Variants in FOXP1 observed in about 807,000 individuals in gnomAD.
FOXP1 encodes the protein forkhead box P1.
In FOXP1, 15 loss-of-function variants were observed where a neutral mutation model predicts 98.2. That is an observed-to-expected ratio of 0.15 (90% CI 0.10 to 0.24). FOXP1 has a LOEUF of 0.24. Ranked by LOEUF, FOXP1 falls within the 10% of genes least tolerant of loss-of-function variation. The pLI, the probability that FOXP1 is intolerant of heterozygous loss-of-function variation, is 1.00. For missense variants in FOXP1, 633 were observed against 848.5 expected (o/e 0.75, Z 3.15); for synonymous variants, 371 against 314.5 (o/e 1.18, Z -1.90).
chr3:71,473,957 C>T (rs1487974899), intron 3 of FOXP1, among the ~76,000 whole-genome samples: 1 of 152,084 alleles, frequency 6.6e-6, no homozygotes, highest in Non-Finnish European at 1.5e-5. Flanking sequence ...CATGCCCTGG[C>T]ACAGAGTAGG....
chr3:71,123,974 G>C (rs1350602354), intron 6 of FOXP1, among the ~76,000 whole-genome samples: 1 of 152,042 alleles, frequency 6.6e-6, no homozygotes, highest in Non-Finnish European at 1.5e-5. Context: ...TAACAGATGA[G>C]GGAGAGAGAC....
intron 5 of FOXP1, among the ~76,000 whole-genome samples, chr3:71,200,327 C>G (rs2063590573): frequency 1.3e-5 from 2 of 152,264 alleles, no homozygotes; most frequent in Non-Finnish European, 2.9e-5. Context: ...CACATATTCT[C>G]CAATTTAGTG....
At chr3:71,549,901 CTTT>C (rs908536265) in intron 2 of FOXP1, among the ~76,000 whole-genome samples, 1 of 126,674 alleles carries the variant, frequency 7.9e-6, no homozygotes, top group African/African-American at 2.8e-5. Flanking sequence ...CTCTGGTAAA[CTTT>C]TAATTTTTTT....
chr3:71,272,282 G>T (rs2070439592), intron 5 of FOXP1, among the ~76,000 whole-genome samples: 1 of 152,194 alleles, frequency 6.6e-6, no homozygotes, highest in Admixed American at 6.5e-5. Flanking sequence ...ATTCAGCAAT[G>T]AAAACGAGAA....
At chr3:71,306,787 C>T (rs1259359674) in intron 4 of FOXP1, among the ~76,000 whole-genome samples, 1 of 152,114 alleles carries the variant, frequency 6.6e-6, no homozygotes, top group African/African-American at 2.4e-5. Context: ...AACATTACCC[C>T]CATATTAGAA....
Position 71,112,599 on chromosome 3 carries a change from T to C in FOXP1, c.219A>G (p.Gln73=). Residue 73 remains glutamine (Q), a synonymous_variant, in exon 7 of 21, where the codon CAA becomes CAG. Transcript: ENST00000649528. ...QVARQLLLQQ[Q]QQQQVSGLKS... is the part of the protein sequence containing the mutation. Reference sequence around the variant, plus strand: ...TTAATCCACTAACTTGCTGCTGCTGTTGCTGCTGAAGAAGGAGCTGTCTTG... The same window carrying C: ...TTAATCCACTAACTTGCTGCTGCTGCTGCTGCTGAAGAAGGAGCTGTCTTG... The C allele has an allele frequency of 1.9e-6, 3 of 1,614,116 alleles. No homozygotes were observed. Among genetic ancestry groups the C allele is most frequent in the East Asian group, 4.5e-5 (2 of 44,872 alleles).
intron 3 of FOXP1, among the ~76,000 whole-genome samples, chr3:71,432,808 A>G (rs975930015): frequency 1.3e-5 from 2 of 150,704 alleles, no homozygotes; most frequent in African/African-American, 4.9e-5. Flanking sequence ...CCTTCAAAGC[A>G]GTTCGACACT....
At chr3:71,381,845 G>GTA (rs2080203723) in intron 3 of FOXP1, among the ~76,000 whole-genome samples, 1 of 152,126 alleles carries the variant, frequency 6.6e-6, no homozygotes, top group Admixed American at 6.5e-5. Context: ...TATTTGTTAC[G>GTA]TATTAATTCA....
At position 71,283,658 on chromosome 3, in the gene FOXP1, T is replaced by C. The variant is rs183663828; in HGVS notation, c.-12+16162A>G. Among the ~76,000 whole-genome samples the C allele has an allele frequency of 1.2e-3, 188 of 152,304 alleles. 1 individual carries two copies. The highest frequency in any genetic ancestry group is 9.5e-3 in the Admixed American group (146 of 15,298). On this transcript the variant is annotated intron_variant, in intron 5 of 20. Coordinates refer to ENST00000649528, the MANE Select transcript of FOXP1 (RefSeq NM_001349338.3). ...TTACTGTGCTAAGTGCATTGCTCAG[T>C]GATTTGTTGTTTCTCCTCCCTATAC... is the stretch of plus-strand genomic sequence containing the variant.
intron 7 of FOXP1, among the ~76,000 whole-genome samples, chr3:71,085,483 A>G (rs1190527501): frequency 1.3e-5 from 2 of 151,874 alleles, no homozygotes; most frequent in African/African-American, 4.8e-5. Context: ...CCCCATTAAT[A>G]TTTAGTATCC....
intron 4 of FOXP1, among the ~76,000 whole-genome samples, chr3:71,308,721 T>C (rs570077604): frequency 5.8e-4 from 86 of 148,944 alleles, no homozygotes; most frequent in Non-Finnish European, 1.0e-3. Context: ...AAAAAGGACA[T>C]TAAATTATTA....
At chr3:71,120,040 T>G (rs927764649) in intron 6 of FOXP1, among the ~76,000 whole-genome samples, 5 of 152,200 alleles carry the variant, frequency 3.3e-5, no homozygotes, top group Non-Finnish European at 7.3e-5. Context: ...GTGTAAATAT[T>G]AGATACACAA....
At chr3:71,158,749 T>C (rs1038243635) in intron 6 of FOXP1, among the ~76,000 whole-genome samples, 3 of 116,410 alleles carry the variant, frequency 2.6e-5, no homozygotes, top group Non-Finnish European at 5.4e-5. Context: ...AAAAAAAAGG[T>C]AAATGGTGAT....
chr3:71,268,774 G>A (rs983310931), intron 5 of FOXP1, among the ~76,000 whole-genome samples: 1 of 152,108 alleles, frequency 6.6e-6, no homozygotes, highest in Non-Finnish European at 1.5e-5. Context: ...TGTCAACCTG[G>A]GGATGTCTAA....
chr3:71,531,021 A>C (rs2043802316), intron 2 of FOXP1, among the ~76,000 whole-genome samples: 1 of 134,302 alleles, frequency 7.4e-6, no homozygotes, highest in Admixed American at 7.2e-5. Context: ...AGCACCATCT[A>C]AATAGCACAG....
intron 2 of FOXP1, among the ~76,000 whole-genome samples, chr3:71,501,186 C>CTAAA (rs1454051399): frequency 6.6e-6 from 1 of 151,502 alleles, no homozygotes; most frequent in African/African-American, 2.4e-5. Context: ...GACTCCGTCT[C>CTAAA]TAAATAAATA....
chr3:71,038,134 GAGA>G (rs1008283887), intron 11 of FOXP1, among the ~76,000 whole-genome samples: 2 of 152,292 alleles, frequency 1.3e-5, no homozygotes, highest in South Asian at 2.1e-4. Context: ...AAGAGTGGGG[GAGA>G]AGGAGTTTTC....
chr3:71,101,908 C>T (rs1343829932), intron 7 of FOXP1, among the ~76,000 whole-genome samples: 1 of 152,158 alleles, frequency 6.6e-6, no homozygotes, highest in Admixed American at 6.5e-5. Flanking sequence ...TGTAAAAGGA[C>T]AAGGGCCGGC....
At chr3:71,541,560 A>G (rs2044815562) in intron 2 of FOXP1, among the ~76,000 whole-genome samples, 1 of 152,226 alleles carries the variant, frequency 6.6e-6, no homozygotes, top group South Asian at 2.1e-4. Flanking sequence ...GAGACTTGAA[A>G]TGTGAGGAGA....
Sources: allele counts gnomAD v4.1 joint callset (sites outside exome capture counted in the v4.1 genomes callset), GRCh38; gene constraint gnomAD v4.1.1; transcripts MANE v1.5; gene names NCBI Gene and HGNC (gene_info 2026-07-23, HGNC 2026-07-21).